The following VPS53 variants were observed in gnomAD, a reference collection of about 807,000 sequenced individuals.
The protein encoded by VPS53 is vacuolar protein sorting-associated protein 53 homolog.
A neutral mutation model predicts 107.0 loss-of-function variants in VPS53; 70 were observed. That is an observed-to-expected ratio of 0.65 (90% confidence interval 0.54 to 0.80). The LOEUF is 0.80. Ranked by LOEUF, VPS53 falls within the 30% of genes least tolerant of loss-of-function variation. VPS53 has a pLI of 0.00. For synonymous variants in VPS53, 409 were observed against 393.3 expected, an observed-to-expected ratio of 1.04 and a Z score of -0.47; for missense variants, 917 against 1,049.4, an observed-to-expected ratio of 0.87 and a Z score of 1.74.
rs952862105 is a variant in VPS53 at position 531,568 on chromosome 17, G to A, written c.2085+1274C>T. ...TGCCCAGGCTTCAGTGCAGCGGCACGATCATAGCTCACTTCAGCCTGGATT... is the reference window on the plus strand; with the variant it reads ...TGCCCAGGCTTCAGTGCAGCGGCACAATCATAGCTCACTTCAGCCTGGATT... On this transcript the variant is annotated intron_variant, in intron 19 of 21. Coordinates refer to ENST00000437048, the MANE Select transcript of VPS53 (RefSeq NM_001128159.3). 5.3e-5 allele frequency among the ~76,000 whole-genome samples: 8 copies of A among 151,936 alleles called. No individual in the cohort carries two copies. In the East Asian group the frequency reaches 7.7e-4, roughly 15 times the overall value.
Position 627,173 on chromosome 17 carries a change from C to T in VPS53, c.974+1G>A. On this transcript the variant is annotated splice_donor_variant, in intron 10 of 21. Coordinates refer to ENST00000437048, the MANE Select transcript of VPS53 (RefSeq NM_001128159.3). LOFTEE classifies it high-confidence loss of function. ...AGAACCAGTAGAGAACTGGCATCTACCTTGTCACATGGCAAAATTCCACCG... is the reference window on the plus strand; with the variant it reads ...AGAACCAGTAGAGAACTGGCATCTATCTTGTCACATGGCAAAATTCCACCG... 1 of 1,612,224 alleles carries T rather than the reference C, an allele frequency of 6.2e-7. No homozygotes were observed. Among genetic ancestry groups the T allele is most frequent in the Non-Finnish European group, 8.5e-7 (1 of 1,179,364 alleles).
chr17:626,898 G>A (rs959273357), intron 10 of VPS53, among the ~76,000 whole-genome samples: 2 of 152,188 alleles, frequency 1.3e-5, no homozygotes, highest in Admixed American at 6.5e-5. Flanking sequence ...TGGGGTAGAG[G>A]AATCACTGTA....
rs113686063 is a variant in VPS53, at chr17:575,148, A to G, written c.1313+11122T>C. 9.2e-5 allele frequency among the ~76,000 whole-genome samples: 14 copies of G among 152,368 alleles called. 1 individual carries two copies. Among genetic ancestry groups the G allele is most frequent in the African/African-American group, 3.4e-4 (14 of 41,598 alleles). On this transcript the variant is annotated intron_variant, in intron 13 of 21. Coordinates refer to ENST00000437048, the MANE Select transcript of VPS53 (RefSeq NM_001128159.3). Reference sequence around the variant, plus strand: ...GGGCTGATGGGGAGACTTCCATTTGATGATGGAGAAGCTACTGGGCAAGTT... The same window carrying G: ...GGGCTGATGGGGAGACTTCCATTTGGTGATGGAGAAGCTACTGGGCAAGTT...
chr17:710,472 G>A (rs775411575), intron 2 of VPS53, 61 bp downstream of exon 2: 25 of 1,325,850 alleles, frequency 1.9e-5, no homozygotes, highest in Non-Finnish European at 2.7e-5. Flanking sequence ...AACACACGAA[G>A]CATAACACCC....
intron 7 of VPS53, among the ~76,000 whole-genome samples, chr17:649,729 G>A (rs949650304): frequency 6.6e-6 from 1 of 152,142 alleles, no homozygotes; most frequent in South Asian, 2.1e-4. Context: ...TTACACTGGA[G>A]GACAGAGGAA....
intron 19 of VPS53, among the ~76,000 whole-genome samples, chr17:529,398 TCACA>T (rs3084065): frequency 2.0e-4 from 30 of 150,284 alleles, no homozygotes; most frequent in South Asian, 4.2e-4. Flanking sequence ...ACACACACAC[TCACA>T]CACACACACA....
intron 4 of VPS53, among the ~76,000 whole-genome samples, chr17:665,301 G>A (rs895369822): frequency 3.3e-5 from 5 of 152,134 alleles, no homozygotes; most frequent in South Asian, 2.1e-4. Flanking sequence ...CGCTCGCCGC[G>A]GGACGACGCA....
At chr17:625,364 A>T (rs1273745641) in intron 10 of VPS53, among the ~76,000 whole-genome samples, 8 of 152,046 alleles carry the variant, frequency 5.3e-5, no homozygotes, top group African/African-American at 1.9e-4. Context: ...TGGGTGGCTG[A>T]AGCAGGAGGG....
At chr17:591,344 A>C (rs969568957) in intron 12 of VPS53, among the ~76,000 whole-genome samples, 4 of 151,992 alleles carry the variant, frequency 2.6e-5, no homozygotes, top group African/African-American at 9.7e-5. Flanking sequence ...TGGATTTGTT[A>C]ATTTTTTGAA....
chr17:691,526 T>G (rs1055697332), intron 4 of VPS53, among the ~76,000 whole-genome samples: 51 of 152,240 alleles, frequency 3.3e-4, no homozygotes, highest in African/African-American at 1.2e-3. Flanking sequence ...ACCCCCTCCT[T>G]ATCAGCAGTT....
intron 15 of VPS53, among the ~76,000 whole-genome samples, chr17:557,928 T>C (rs1912586037): frequency 6.7e-6 from 1 of 150,342 alleles, no homozygotes; most frequent in African/African-American, 2.4e-5. Flanking sequence ...GGTGTGATCA[T>C]AGCTCACTGC....
At chr17:702,330 G>C (rs1023796215) in intron 2 of VPS53, among the ~76,000 whole-genome samples, 2 of 152,024 alleles carry the variant, frequency 1.3e-5, no homozygotes, top group African/African-American at 4.8e-5. Flanking sequence ...CTGTAGCCTG[G>C]GTGATGGGTG....
At chr17:583,357 G>A (rs914530044) in intron 13 of VPS53, among the ~76,000 whole-genome samples, 17 of 146,156 alleles carry the variant, frequency 1.2e-4, no homozygotes, top group South Asian at 4.4e-4. Context: ...ACCTCAATGC[G>A]TTCCCAGAGA....
chr17:694,863 C>T (rs1251340379), intron 4 of VPS53, among the ~76,000 whole-genome samples: 1 of 152,096 alleles, frequency 6.6e-6, no homozygotes, highest in Non-Finnish European at 1.5e-5. Context: ...TACTACCACA[C>T]CCAGCTAATT....
intron 17 of VPS53, among the ~76,000 whole-genome samples, chr17:551,431 A>G (rs1353283758): frequency 1.3e-5 from 2 of 152,108 alleles, no homozygotes; most frequent in Non-Finnish European, 2.9e-5. Flanking sequence ...AGTTGGACAC[A>G]GTGGCATGCA....
intron 17 of VPS53, among the ~76,000 whole-genome samples, chr17:548,514 CCAA>C (rs1279757644): frequency 2.6e-4 from 35 of 134,340 alleles, no homozygotes; most frequent in Admixed American, 4.6e-4. Flanking sequence ...CTTTGGCCAG[CCAA>C]CAGTCCTTCT....
chr17:571,967 C>T (rs1193339781), intron 13 of VPS53, among the ~76,000 whole-genome samples: 6 of 152,070 alleles, frequency 3.9e-5, no homozygotes, highest in Non-Finnish European at 7.4e-5. Context: ...GCCGCCACCC[C>T]GTCTAGGAAG....
intron 14 of VPS53, 112 bp from the exon 15 acceptor site, chr17:560,685 C>A: frequency 3.1e-6 from 4 of 1,293,774 alleles, no homozygotes; most frequent in Non-Finnish European, 4.2e-6. Flanking sequence ...CTGGACATGG[C>A]CCAAATCAAT....
Position 517,813 on chromosome 17 carries a change from AC to A in VPS53, c.*1314del, listed in dbSNP as rs1483036235. On this transcript the variant is annotated 3_prime_UTR_variant, in exon 22 of 22. Transcript: ENST00000437048. ...TGTGATTACAGGCATGAGCCACCACACCCAGCCAATTTTTTGTATTTTTGGT... is the reference window on the plus strand; with the variant it reads ...TGTGATTACAGGCATGAGCCACCACACCAGCCAATTTTTTGTATTTTTGGT... 5.8e-6 allele frequency: 1 copy of A among 171,056 alleles called. No individual in the cohort carries two copies. The highest frequency in any genetic ancestry group is 2.4e-5 in the African/African-American group (1 of 42,178). The allele number at this position is 171,056 out of a possible 1,614,324, so 10.6% of individuals were successfully genotyped here.
Sources: gnomAD v4.1 joint callset for allele counts (sites outside exome capture counted in the v4.1 genomes callset) on GRCh38, gnomAD v4.1.1 for gene constraint, MANE v1.5 for transcripts, NCBI Gene and HGNC (gene_info 2026-07-23, HGNC 2026-07-21) for gene names.